The following LRRC4C variants were observed in gnomAD, a reference collection of about 807,000 sequenced individuals.
LRRC4C encodes leucine rich repeat containing 4C.
Under a neutral mutation model 33.6 loss-of-function variants are expected in LRRC4C, and 5 were observed. The observed-to-expected ratio is 0.15, with a 90% CI of 0.08 to 0.31. The LOEUF (loss-of-function observed/expected upper bound fraction) is 0.31. LRRC4C is among the 10% of genes least tolerant of loss of function. The pLI is 1.00. For synonymous variants in LRRC4C, 329 were observed against 302.0 expected (o/e 1.09, Z -0.93); for missense variants, 560 against 796.7 (o/e 0.70, Z 3.58).
chr11:40,187,732 G>C (rs994394959), intron 5 of LRRC4C, among the ~76,000 whole-genome samples: 2 of 152,178 alleles, frequency 1.3e-5, no homozygotes, highest in East Asian at 3.9e-4. Flanking sequence ...AGTAAAATCA[G>C]TTCCTCCATC....
chr11:40,913,747 G>A (rs1031123352), intron 2 of LRRC4C, among the ~76,000 whole-genome samples: 1 of 152,016 alleles, frequency 6.6e-6, no homozygotes, highest in Non-Finnish European at 1.5e-5. Context: ...CAAAAAATCA[G>A]TGATTCCAGG....
intron 2 of LRRC4C, among the ~76,000 whole-genome samples, chr11:40,654,927 T>A (rs1200422381): frequency 6.6e-6 from 1 of 152,144 alleles, no homozygotes; most frequent in Non-Finnish European, 1.5e-5. Flanking sequence ...ATCTGATGGT[T>A]TTTTAAGTGT....
chr11:40,898,350 T>C (rs562970000), intron 2 of LRRC4C, among the ~76,000 whole-genome samples: 34 of 2,622 alleles, frequency 0.013, 1 homozygote, highest in Admixed American at 0.027. Flanking sequence ...TGAAACTCCA[T>C]CTCAAAAAAA....
chr11:40,288,171 G>T (rs547837467), intron 4 of LRRC4C, among the ~76,000 whole-genome samples: 3 of 152,228 alleles, frequency 2.0e-5, no homozygotes, highest in Non-Finnish European at 4.4e-5. Context: ...TGTAACACAC[G>T]TGGCCCAGTG....
intron 3 of LRRC4C, among the ~76,000 whole-genome samples, chr11:40,630,833 T>A (rs1325724804): frequency 6.6e-6 from 1 of 152,140 alleles, no homozygotes; most frequent in African/African-American, 2.4e-5. Context: ...TCCCCACAGA[T>A]TTCACTTTGT....
chr11:41,176,957 T>G (rs1468521022), intron 1 of LRRC4C, among the ~76,000 whole-genome samples: 1 of 150,776 alleles, frequency 6.6e-6, no homozygotes, highest in East Asian at 2.0e-4. Flanking sequence ...AGAGTAATAC[T>G]CCATCTCTAT....
At chr11:40,912,149 C>T (rs1249737966) in intron 2 of LRRC4C, among the ~76,000 whole-genome samples, 2 of 152,118 alleles carry the variant, frequency 1.3e-5, no homozygotes, top group Non-Finnish European at 2.9e-5. Flanking sequence ...AGAACTTCCC[C>T]AATCTAGCAA....
At chr11:41,445,504 G>A (rs915343417) in intron 1 of LRRC4C, among the ~76,000 whole-genome samples, 1 of 152,086 alleles carries the variant, frequency 6.6e-6, no homozygotes, top group Non-Finnish European at 1.5e-5. Context: ...AAGAGGGAAA[G>A]GAAAGGAGAA....
At chr11:41,385,627 G>A (rs1953331624) in intron 1 of LRRC4C, among the ~76,000 whole-genome samples, 1 of 151,490 alleles carries the variant, frequency 6.6e-6, no homozygotes. Context: ...TACTTGGAGG[G>A]AACATTTATT....
At chr11:40,870,445 T>A (rs1954581128) in intron 2 of LRRC4C, among the ~76,000 whole-genome samples, 1 of 152,144 alleles carries the variant, frequency 6.6e-6, no homozygotes, top group Non-Finnish European at 1.5e-5. Context: ...CATACTAGAA[T>A]CAGGGCTGTT....
At position 40,664,760 on chromosome 11, in the gene LRRC4C, T is replaced by C. The variant is rs183144891; in HGVS notation, c.-406-16482A>G. 1.6e-4 allele frequency among the ~76,000 whole-genome samples: 25 copies of C among 152,240 alleles called. No individual in the cohort carries two copies. The East Asian group carries it at 3.3e-3, about 20-fold the overall frequency. ...TAGGTCAGATAACATAATGTGGTTC[T>C]GTTTTTTTAATATATATATAGATAT... On this transcript the variant is annotated intron_variant, in intron 2 of 6. Transcript: ENST00000528697.
At chr11:40,379,700 A>G (rs1948790467) in intron 3 of LRRC4C, among the ~76,000 whole-genome samples, 1 of 152,218 alleles carries the variant, frequency 6.6e-6, no homozygotes, top group South Asian at 2.1e-4. Context: ...ATCAGTCTTC[A>G]TACTGTAAAC....
At chr11:41,269,110 C>T (rs549356984) in intron 1 of LRRC4C, among the ~76,000 whole-genome samples, 5 of 152,100 alleles carry the variant, frequency 3.3e-5, no homozygotes, top group African/African-American at 1.2e-4. Context: ...ATCTTGGAGG[C>T]AAAAGATAAA....
chr11:40,539,972 T>A (rs1195102382), intron 3 of LRRC4C, among the ~76,000 whole-genome samples: 2 of 152,066 alleles, frequency 1.3e-5, no homozygotes, highest in African/African-American at 4.8e-5. Flanking sequence ...AAATTGTAAT[T>A]TTTTTTGTCA....
chr11:40,630,330 C>CTCTTCTTCTTCTTCTTCT lies in LRRC4C; in HGVS notation c.-270+17794_-270+17811dup, dbSNP rs200043868. ...TTATTACTTGTTTTCTTTCTTCTTC[C>CTCTTCTTCTTCTTCTTCT]TCTTCTTCTTCTTCTTCTTCTTCTT... On this transcript the variant is annotated intron_variant, in intron 3 of 6. Coordinates refer to ENST00000528697, the MANE Select transcript of LRRC4C (RefSeq NM_001258419.2). 3.6e-3 allele frequency among the ~76,000 whole-genome samples: 486 copies of CTCTTCTTCTTCTTCTTCT among 135,550 alleles called. 5 individuals are homozygous for CTCTTCTTCTTCTTCTTCT. The highest frequency in any genetic ancestry group is 0.013 in the African/African-American group (469 of 35,974). The allele number at this position is 135,550 out of a possible 152,430, so 88.9% of individuals were successfully genotyped here.
At chr11:40,598,960 T>A (rs1307396772) in intron 3 of LRRC4C, among the ~76,000 whole-genome samples, 1 of 152,198 alleles carries the variant, frequency 6.6e-6, no homozygotes, top group Non-Finnish European at 1.5e-5. Flanking sequence ...ACATGGCACA[T>A]GAGTGGGCCG....
At chr11:40,483,952 A>G (rs1021611699) in intron 3 of LRRC4C, among the ~76,000 whole-genome samples, 32 of 152,112 alleles carry the variant, frequency 2.1e-4, no homozygotes, top group Middle Eastern at 3.4e-3. Flanking sequence ...ATGTCCCCCA[A>G]ATGTATAAAA....
intron 5 of LRRC4C, among the ~76,000 whole-genome samples, chr11:40,156,297 A>T (rs1858685627): frequency 6.6e-6 from 1 of 152,188 alleles, no homozygotes; most frequent in Non-Finnish European, 1.5e-5. Context: ...CAAGACAAGG[A>T]TGCCCACTGT....
chr11:40,727,669 G>A (rs1024135582), intron 2 of LRRC4C, among the ~76,000 whole-genome samples: 9 of 152,038 alleles, frequency 5.9e-5, no homozygotes, highest in Non-Finnish European at 1.0e-4. Flanking sequence ...ACAGAGGATC[G>A]ATATCCCGAA....
Sources: gnomAD v4.1 joint callset for allele counts (sites outside exome capture counted in the v4.1 genomes callset) on GRCh38, gnomAD v4.1.1 for gene constraint, MANE v1.5 for transcripts, NCBI Gene and HGNC (gene_info 2026-07-23, HGNC 2026-07-21) for gene names.